SH3RF1: variants seen among roughly 807,000 people sequenced by gnomAD.
The protein encoded by SH3RF1 is SH3 domain containing ring finger 1.
Under a neutral mutation model 74.0 loss-of-function variants are expected in SH3RF1, and 32 were observed. That is an observed-to-expected ratio of 0.43 (90% confidence interval 0.33 to 0.58). SH3RF1 has a LOEUF of 0.58. SH3RF1 is among the 20% of genes least tolerant of loss of function. The pLI, the probability that SH3RF1 is intolerant of heterozygous loss-of-function variation, is 0.05. For synonymous variants in SH3RF1, 396 were observed against 439.6 expected (o/e 0.90, Z 1.24); for missense variants, 954 against 1,130.9 (o/e 0.84, Z 2.24).
intron 2 of SH3RF1, among the ~76,000 whole-genome samples, chr4:169,160,059 C>T (rs1186035290): frequency 6.6e-6 from 1 of 152,156 alleles, no homozygotes; most frequent in Non-Finnish European, 1.5e-5. Context: ...AATTGAAAAT[C>T]CCATTACAAA....
At chr4:169,103,541 G>A (rs967995945) in intron 11 of SH3RF1, among the ~76,000 whole-genome samples, 1 of 152,098 alleles carries the variant, frequency 6.6e-6, no homozygotes, top group African/African-American at 2.4e-5. Flanking sequence ...TTTCAGCATT[G>A]AGCACTTTTT....
intron 7 of SH3RF1, among the ~76,000 whole-genome samples, 153 bp downstream of exon 7, chr4:169,121,947 A>G (rs1159758448): frequency 2.0e-5 from 3 of 152,228 alleles, no homozygotes; most frequent in South Asian, 2.1e-4. Flanking sequence ...CCCTAGTTAC[A>G]TGCATGACCA....
chr4:169,136,673 T>C, intron 4 of SH3RF1, 53 bp from the exon 5 acceptor site: 1 of 1,451,210 alleles, frequency 6.9e-7, no homozygotes, highest in Admixed American at 2.6e-5. Context: ...TTCCTAAGAA[T>C]TCCCTGAGGT....
chr4:169,110,174 G>C (rs1733216719), intron 10 of SH3RF1, among the ~76,000 whole-genome samples: 1 of 151,794 alleles, frequency 6.6e-6, no homozygotes. Flanking sequence ...CAGGAGTTGA[G>C]AGCAGCCTGG....
At chr4:169,160,993 C>A (rs1371160676) in intron 2 of SH3RF1, among the ~76,000 whole-genome samples, 1 of 152,152 alleles carries the variant, frequency 6.6e-6, no homozygotes, top group Non-Finnish European at 1.5e-5. Context: ...ATCACTGGGC[C>A]CTCTGCCCTC....
At chr4:169,245,216 C>G (rs1335321252) in intron 2 of SH3RF1, among the ~76,000 whole-genome samples, 1 of 152,152 alleles carries the variant, frequency 6.6e-6, no homozygotes, top group Non-Finnish European at 1.5e-5. Flanking sequence ...TTTAACGCTA[C>G]CAACTACTAA....
intron 2 of SH3RF1, among the ~76,000 whole-genome samples, chr4:169,164,479 T>C (rs1227366840): frequency 6.6e-6 from 1 of 152,202 alleles, no homozygotes; most frequent in Non-Finnish European, 1.5e-5. Context: ...TAATCCATCT[T>C]TTTGAAACTG....
chr4:169,212,685 T>G (rs55857181), intron 2 of SH3RF1, among the ~76,000 whole-genome samples: 17,025 of 152,146 alleles, frequency 0.11, 967 homozygotes, highest in Middle Eastern at 0.16. Context: ...TTACAATCAG[T>G]GAACCTACAT....
At position 169,164,375 on chromosome 4, in the gene SH3RF1, CT is replaced by C. The variant is rs557630984; in HGVS notation, c.394-7697del. On this transcript the variant is annotated intron_variant, in intron 2 of 11. Transcript: ENST00000284637. ...AGGAAAAGCAACTAAAAAGATGATT[CT>C]ACTGACAGGCTCAACAGTTTTACAC... Among the ~76,000 whole-genome samples the C allele has an allele frequency of 2.2e-4, 33 of 152,294 alleles. No homozygotes were observed. In the South Asian group the frequency reaches 6.7e-3, roughly 31 times the overall value.
chr4:169,179,840 T>C (rs906282563), intron 2 of SH3RF1, among the ~76,000 whole-genome samples: 11 of 152,222 alleles, frequency 7.2e-5, no homozygotes, highest in African/African-American at 2.7e-4. Context: ...TCAAAAAGCA[T>C]CTTGTCAGAA....
chr4:169,150,990 A>G (rs1694009772), intron 4 of SH3RF1, among the ~76,000 whole-genome samples: 1 of 152,194 alleles, frequency 6.6e-6, no homozygotes, highest in South Asian at 2.1e-4. Flanking sequence ...CTGACGTAAC[A>G]CCAAGATAAA....
chr4:169,199,757 A>G (rs1734879212), intron 2 of SH3RF1, among the ~76,000 whole-genome samples: 1 of 152,238 alleles, frequency 6.6e-6, no homozygotes, highest in African/African-American at 2.4e-5. Flanking sequence ...ACAATAAAAG[A>G]GAAAGCGAAA....
At chr4:169,140,387 T>C (rs962930806) in intron 4 of SH3RF1, among the ~76,000 whole-genome samples, 3 of 152,246 alleles carry the variant, frequency 2.0e-5, no homozygotes, top group Non-Finnish European at 2.9e-5. Context: ...AATAAATTTG[T>C]ATCCTAAAAT....
intron 2 of SH3RF1, among the ~76,000 whole-genome samples, chr4:169,173,963 C>T (rs150175813): frequency 1.9e-3 from 283 of 151,432 alleles, no homozygotes; most frequent in African/African-American, 6.0e-3. Flanking sequence ...TTTAAGGATA[C>T]GGCTAATGCT....
chr4:169,157,581 T>C (rs1734080566), intron 2 of SH3RF1, among the ~76,000 whole-genome samples: 2 of 152,174 alleles, frequency 1.3e-5, no homozygotes, highest in Non-Finnish European at 2.9e-5. Context: ...TTAAGATCTT[T>C]GGCCTCTCTG....
chr4:169,111,019 T>C (rs1733234468), intron 10 of SH3RF1, among the ~76,000 whole-genome samples: 1 of 151,824 alleles, frequency 6.6e-6, no homozygotes, highest in Non-Finnish European at 1.5e-5. Flanking sequence ...CAAAAATTTT[T>C]TTTTCAGACC....
chr4:169,206,137 G>C (rs542668518), intron 2 of SH3RF1, among the ~76,000 whole-genome samples: 1 of 152,318 alleles, frequency 6.6e-6, no homozygotes, highest in South Asian at 2.1e-4. Flanking sequence ...GTGCTAAAGA[G>C]CATCTCTTGC....
At chr4:169,199,795 T>C (rs1187365006) in intron 2 of SH3RF1, among the ~76,000 whole-genome samples, 1 of 151,990 alleles carries the variant, frequency 6.6e-6, no homozygotes, top group African/African-American at 2.4e-5. Flanking sequence ...CAAATATAAA[T>C]AAAATATTAA....
intron 2 of SH3RF1, among the ~76,000 whole-genome samples, chr4:169,178,455 G>T (rs1364114952): frequency 1.3e-5 from 2 of 151,912 alleles, no homozygotes; most frequent in Non-Finnish European, 2.9e-5. Context: ...ACATCAGGAC[G>T]AGGAAGTACA....
Sources: allele counts gnomAD v4.1 joint callset (sites outside exome capture counted in the v4.1 genomes callset), GRCh38; gene constraint gnomAD v4.1.1; transcripts MANE v1.5; gene names NCBI Gene and HGNC (gene_info 2026-07-23, HGNC 2026-07-21).